The following BBS9 variants were observed in gnomAD, a reference collection of about 807,000 sequenced individuals.
BBS9 encodes the protein Bardet-Biedl syndrome 9, also known as protein PTHB1.
Under a neutral mutation model 117.7 loss-of-function variants are expected in BBS9, and 89 were observed. The ratio of observed to expected loss-of-function variants is 0.76; its 90% CI spans 0.64 to 0.90. BBS9 has a LOEUF of 0.90. Among genes scored for constraint, BBS9 ranks in the 40% least tolerant of loss-of-function variants. BBS9 has a pLI of 0.00. For synonymous variants in BBS9, 379 were observed against 370.9 expected (o/e 1.02, Z -0.25); for missense variants, 982 against 1,042.2 (o/e 0.94, Z 0.80).
At chr7:33,597,236 C>T (rs888367383) in intron 21 of BBS9, among the ~76,000 whole-genome samples, 1 of 151,852 alleles carries the variant, frequency 6.6e-6, no homozygotes, top group Non-Finnish European at 1.5e-5. Context: ...AATTATAAAC[C>T]ATTGAAATGA....
At chr7:33,486,181 A>G (rs544931255) in intron 19 of BBS9, among the ~76,000 whole-genome samples, 1 of 152,240 alleles carries the variant, frequency 6.6e-6, no homozygotes, top group South Asian at 2.1e-4. Flanking sequence ...AGTCTAAACA[A>G]TCCAGGCTAA....
chr7:33,275,533 A>G (rs1175008629), intron 9 of BBS9, among the ~76,000 whole-genome samples: 1 of 151,106 alleles, frequency 6.6e-6, no homozygotes, highest in African/African-American at 2.4e-5. Flanking sequence ...CTCTTAAGTG[A>G]CAGTTCATTT....
intron 19 of BBS9, among the ~76,000 whole-genome samples, chr7:33,438,409 T>C (rs1182005196): frequency 6.6e-6 from 1 of 152,198 alleles, no homozygotes; most frequent in African/African-American, 2.4e-5. Context: ...ATATTTTTAA[T>C]TCATTCTACC....
intron 21 of BBS9, among the ~76,000 whole-genome samples, chr7:33,544,505 T>G (rs1376802212): frequency 1.3e-5 from 2 of 152,212 alleles, no homozygotes; most frequent in African/African-American, 4.8e-5. Context: ...GGCTCCGGGC[T>G]GGTACTGCGG....
intron 1 of BBS9, among the ~76,000 whole-genome samples, chr7:33,140,792 A>G (rs537962151): frequency 8.4e-4 from 128 of 152,368 alleles, no homozygotes; most frequent in Non-Finnish European, 1.5e-3. Context: ...TAGTAATAAC[A>G]AATGGTGCAA....
chr7:33,584,551 T>A (rs1860562492), intron 21 of BBS9, among the ~76,000 whole-genome samples: 1 of 152,104 alleles, frequency 6.6e-6, no homozygotes, highest in Non-Finnish European at 1.5e-5. Context: ...CTATTTTTTT[T>A]TGAAAATTAG....
intron 9 of BBS9, among the ~76,000 whole-genome samples, chr7:33,317,937 A>T (rs1188094977): frequency 6.6e-6 from 1 of 152,170 alleles, no homozygotes. Flanking sequence ...CTGTAATTCC[A>T]GCTACTTGCG....
chr7:33,520,459 T>C (rs1424045828), intron 20 of BBS9, among the ~76,000 whole-genome samples: 1 of 152,194 alleles, frequency 6.6e-6, no homozygotes, highest in Non-Finnish European at 1.5e-5. Flanking sequence ...GCTAAATATG[T>C]CTCATTAAAT....
intron 9 of BBS9, 92 bp downstream of exon 9, chr7:33,274,048 A>G (rs1172844670): frequency 7.2e-7 from 1 of 1,391,758 alleles, no homozygotes. Context: ...TGATTTTATT[A>G]AAAAATTACA....
intron 21 of BBS9, among the ~76,000 whole-genome samples, chr7:33,600,126 T>C (rs1863569473): frequency 6.6e-6 from 1 of 152,204 alleles, no homozygotes; most frequent in African/African-American, 2.4e-5. Flanking sequence ...AGTTAGATCA[T>C]ATCTAACTTA....
chr7:33,367,643 A>T, intron 16 of BBS9, 124 bp from the exon 17 acceptor site: 1 of 773,204 alleles, frequency 1.3e-6, no homozygotes, highest in Non-Finnish European at 2.3e-6. Flanking sequence ...ATTATAGCTC[A>T]CACATGGAGT....
chr7:33,452,132 C>T (rs1049585519), intron 19 of BBS9, among the ~76,000 whole-genome samples: 3 of 152,152 alleles, frequency 2.0e-5, no homozygotes, highest in African/African-American at 7.2e-5. Flanking sequence ...CTGCACCTGG[C>T]CACCAGTGGA....
At chr7:33,505,863 T>C in intron 20 of BBS9, 1 of 557,754 alleles carries the variant, frequency 1.8e-6, no homozygotes, top group Non-Finnish European at 3.2e-6. Flanking sequence ...TCAATTTTTA[T>C]GTGGTCCAGT....
At chr7:33,524,232 C>A (rs1409909068) in intron 20 of BBS9, among the ~76,000 whole-genome samples, 1 of 151,116 alleles carries the variant, frequency 6.6e-6, no homozygotes, top group South Asian at 2.1e-4. Flanking sequence ...TGTCTCTGCC[C>A]AGCTTTGGTA....
At chr7:33,616,493 G>GTATATATATATATATATATATA (rs66529823) in intron 21 of BBS9, among the ~76,000 whole-genome samples, 7 of 136,412 alleles carry the variant, frequency 5.1e-5, no homozygotes, top group African/African-American at 1.6e-4. Context: ...GTGTGTGTGT[G>GTATATATATATATATATATATA]TATATATATA....
chr7:33,507,431 A>G (rs1411134336), intron 20 of BBS9, among the ~76,000 whole-genome samples: 1 of 151,954 alleles, frequency 6.6e-6, no homozygotes, highest in Non-Finnish European at 1.5e-5. Context: ...TTTCATAGAG[A>G]CAGAGTTTCA....
intron 19 of BBS9, among the ~76,000 whole-genome samples, chr7:33,445,798 G>A (rs1563187345): frequency 6.6e-6 from 1 of 151,974 alleles, no homozygotes; most frequent in Non-Finnish European, 1.5e-5. Context: ...GAAATCTGGT[G>A]GTTTTATAAG....
At chr7:33,619,176 CTG>C (rs1412760554) in intron 21 of BBS9, among the ~76,000 whole-genome samples, 1 of 152,024 alleles carries the variant, frequency 6.6e-6, no homozygotes, top group African/African-American at 2.4e-5. Flanking sequence ...TTCATGAAAA[CTG>C]TAGACAAAAG....
At chr7:33,508,503 A>G (rs1846455634) in intron 20 of BBS9, among the ~76,000 whole-genome samples, 1 of 152,094 alleles carries the variant, frequency 6.6e-6, no homozygotes, top group African/African-American at 2.4e-5. Context: ...CTGAACCCCT[A>G]CTCATCATGG....
Sources: allele counts gnomAD v4.1 joint callset (sites outside exome capture counted in the v4.1 genomes callset), GRCh38; gene constraint gnomAD v4.1.1; transcripts MANE v1.5; gene names NCBI Gene and HGNC (gene_info 2026-07-23, HGNC 2026-07-21).